SMYD3: variants seen among roughly 807,000 people sequenced by gnomAD.
SMYD3 encodes the protein histone-lysine N-methyltransferase SMYD3.
In SMYD3, 36 loss-of-function variants were observed where a neutral mutation model predicts 57.7. The ratio of observed to expected loss-of-function variants is 0.62; its 90% CI spans 0.48 to 0.82. The LOEUF (loss-of-function observed/expected upper bound fraction) is 0.82. Among genes scored for constraint, SMYD3 ranks in the 40% least tolerant of loss-of-function variants. The probability of loss-of-function intolerance (pLI) is 0.00; values close to 1 mark genes in which losing one functional copy is unlikely to be tolerated. For synonymous variants in SMYD3, 211 were observed against 195.0 expected (o/e 1.08, Z -0.68); for missense variants, 515 against 538.8 (o/e 0.96, Z 0.44).
intron 5 of SMYD3, among the ~76,000 whole-genome samples, chr1:246,257,414 C>T (rs2486845): frequency 0.35 from 53,470 of 151,960 alleles, 10,280 homozygotes; most frequent in East Asian, 0.79. Flanking sequence ...CTTTCTTTGT[C>T]CTTTTTTACT....
intron 5 of SMYD3, among the ~76,000 whole-genome samples, chr1:246,216,477 G>A (rs2148408481): frequency 6.6e-6 from 1 of 152,064 alleles, no homozygotes; most frequent in East Asian, 1.9e-4. Context: ...AGGAACAAGT[G>A]GGAAAATCTG....
intron 5 of SMYD3, among the ~76,000 whole-genome samples, chr1:246,044,971 G>A (rs533968642): frequency 1.1e-4 from 16 of 152,250 alleles, no homozygotes; most frequent in African/African-American, 2.6e-4. Flanking sequence ...ACTGCTCAAC[G>A]AAATAAAAGA....
intron 1 of SMYD3, among the ~76,000 whole-genome samples, chr1:246,413,585 G>T (rs533266526): frequency 3.3e-5 from 5 of 152,216 alleles, no homozygotes; most frequent in African/African-American, 9.6e-5. Flanking sequence ...CATGGGGGAG[G>T]ATCTCTCGTG....
intron 5 of SMYD3, among the ~76,000 whole-genome samples, chr1:246,018,310 T>G (rs545619799): frequency 6.6e-6 from 1 of 152,164 alleles, no homozygotes; most frequent in African/African-American, 2.4e-5. Flanking sequence ...TGCCCTCTCC[T>G]GCCCGGCTGC....
intron 10 of SMYD3, among the ~76,000 whole-genome samples, chr1:245,793,202 G>T (rs139484504): frequency 7.3e-5 from 11 of 151,520 alleles, no homozygotes; most frequent in Non-Finnish European, 1.2e-4. Flanking sequence ...CCAGCTACTC[G>T]GGAGGCTGAG....
chr1:246,378,963 C>T (rs1175838556), intron 1 of SMYD3, among the ~76,000 whole-genome samples: 1 of 140,724 alleles, frequency 7.1e-6, no homozygotes, highest in South Asian at 2.1e-4. Flanking sequence ...CTTGACTAAA[C>T]AAGAAGATTC....
chr1:245,984,472 G>A (rs2148083169), intron 5 of SMYD3, among the ~76,000 whole-genome samples: 1 of 152,248 alleles, frequency 6.6e-6, no homozygotes, highest in South Asian at 2.1e-4. Flanking sequence ...CACTCACCTG[G>A]GCCCTGGATC....
chr1:246,463,394 T>C (rs6661877), intron 1 of SMYD3, among the ~76,000 whole-genome samples: 83,204 of 151,836 alleles, frequency 0.55, 23,504 homozygotes, highest in Middle Eastern at 0.68. Context: ...AGTGGGGTAC[T>C]AGTTACTGAA....
intron 8 of SMYD3, among the ~76,000 whole-genome samples, chr1:245,893,323 C>A (rs1435047193): frequency 3.9e-5 from 6 of 151,938 alleles, no homozygotes; most frequent in Non-Finnish European, 8.8e-5. Context: ...TAAAGTTAAA[C>A]ATATATTTAC....
chr1:245,816,967 G>C (rs1265200887), intron 10 of SMYD3, among the ~76,000 whole-genome samples: 3 of 151,496 alleles, frequency 2.0e-5, no homozygotes, highest in Non-Finnish European at 4.4e-5. Flanking sequence ...GCGAGGCTGG[G>C]GGAGGGGCGC....
At chr1:246,028,239 C>G (rs1007505322) in intron 5 of SMYD3, among the ~76,000 whole-genome samples, 1 of 151,248 alleles carries the variant, frequency 6.6e-6, no homozygotes, top group East Asian at 1.9e-4. Flanking sequence ...AAGTCCTAGT[C>G]AGAGCAACCA....
chr1:246,287,653 G>C (rs1017890183), intron 5 of SMYD3, among the ~76,000 whole-genome samples: 1 of 152,124 alleles, frequency 6.6e-6, no homozygotes, highest in African/African-American at 2.4e-5. Flanking sequence ...GATTTGGGGG[G>C]GTTTTGTGTG....
chr1:246,363,804 T>G (rs1040984182), intron 1 of SMYD3, among the ~76,000 whole-genome samples: 3 of 152,046 alleles, frequency 2.0e-5, no homozygotes, highest in Admixed American at 1.3e-4. Flanking sequence ...CAGGGTCCTC[T>G]GCCTAGGAAA....
chr1:246,082,086 C>T (rs998608538), intron 5 of SMYD3, among the ~76,000 whole-genome samples: 2 of 152,116 alleles, frequency 1.3e-5, no homozygotes, highest in Non-Finnish European at 2.9e-5. Context: ...TAGGCACAGG[C>T]CAAGCTAACC....
At chr1:245,758,119 C>T (rs1260291814) in intron 11 of SMYD3, among the ~76,000 whole-genome samples, 1 of 152,092 alleles carries the variant, frequency 6.6e-6, no homozygotes, top group African/African-American at 2.4e-5. Context: ...TTCAGTTATT[C>T]TCAGATAATA....
At chr1:246,431,240 C>T (rs1233787850) in intron 1 of SMYD3, among the ~76,000 whole-genome samples, 5 of 152,020 alleles carry the variant, frequency 3.3e-5, no homozygotes, top group East Asian at 3.9e-4. Context: ...AAACAATAAA[C>T]GCACACATAG....
chr1:246,049,619 TAAACACAAA>T (rs1215818330), intron 5 of SMYD3, among the ~76,000 whole-genome samples: 2 of 152,144 alleles, frequency 1.3e-5, no homozygotes, highest in African/African-American at 2.4e-5. Flanking sequence ...CTATGTGTTT[TAAACACAAA>T]AAACACAGTA....
chr1:246,437,892 A>G (rs536624681), intron 1 of SMYD3, among the ~76,000 whole-genome samples: 358 of 152,372 alleles, frequency 2.3e-3, no homozygotes, highest in Non-Finnish European at 3.7e-3. Context: ...TAAAAAACAC[A>G]TAACAGCTGA....
intron 5 of SMYD3, among the ~76,000 whole-genome samples, chr1:246,012,953 T>C (rs1478631872): frequency 6.6e-6 from 1 of 152,188 alleles, no homozygotes; most frequent in African/African-American, 2.4e-5. Context: ...CTGTTTTCAC[T>C]CTTCTGCTAC....
Sources: allele counts gnomAD v4.1 joint callset (sites outside exome capture counted in the v4.1 genomes callset), GRCh38; gene constraint gnomAD v4.1.1; transcripts MANE v1.5; gene names NCBI Gene and HGNC (gene_info 2026-07-23, HGNC 2026-07-21).